B4GALNT4: variants seen among roughly 807,000 people sequenced by gnomAD.
The protein encoded by B4GALNT4 is beta-1,4-N-acetyl-galactosaminyltransferase 4.
In B4GALNT4, 77 loss-of-function variants were observed where a neutral mutation model predicts 110.0. That is an observed-to-expected ratio of 0.70 (90% CI 0.58 to 0.85). The LOEUF is 0.85. B4GALNT4 is among the 40% of genes least tolerant of loss of function. The probability of loss-of-function intolerance (pLI) is 0.00; values close to 1 mark genes in which losing one functional copy is unlikely to be tolerated. For synonymous variants in B4GALNT4, 785 were observed against 655.5 expected, an observed-to-expected ratio of 1.20 and a Z score of -3.02; for missense variants, 1,575 against 1,506.0, an observed-to-expected ratio of 1.05 and a Z score of -0.76.
In B4GALNT4 at chr11:375,380, G is replaced by C. The variant is rs559829786; in HGVS notation, c.784-81G>C. 7 of 1,440,710 alleles carry C rather than the reference G, an allele frequency of 4.9e-6. No individual in the cohort carries two copies. The South Asian group carries it at 8.0e-5, about 16-fold the overall frequency. The allele number at this position is 1,440,710 out of a possible 1,614,324, so 89.2% of individuals were successfully genotyped here. A position where few individuals can be genotyped will look rare whatever the true frequency, so the allele number is the denominator to read the frequency against. Reference sequence around the variant, plus strand: ...AAGGGATTGGTCCTATTAGTCCCCCGGCCCTGAGCCAGGGTAGACCCTTTC... The same window carrying C: ...AAGGGATTGGTCCTATTAGTCCCCCCGCCCTGAGCCAGGGTAGACCCTTTC... On this transcript the variant is annotated intron_variant, in intron 8 of 19. Coordinates refer to ENST00000329962, the MANE Select transcript of B4GALNT4 (RefSeq NM_178537.5).
At chr11:371,100 C>A (rs1846611168) in intron 1 of B4GALNT4, among the ~76,000 whole-genome samples, 1 of 152,178 alleles carries the variant, frequency 6.6e-6, no homozygotes, top group African/African-American at 2.4e-5. Flanking sequence ...GCGCAGGGGT[C>A]TAAGCCCAAC....
rs1243710762 is a variant in B4GALNT4 at position 375,865 on chromosome 11, CGAGCCTG to C, written c.1008_1014del (p.Ser336ArgfsTer69). On this transcript the variant is annotated frameshift_variant, in exon 11 of 20. Transcript: ENST00000329962. LOFTEE classifies it high-confidence loss of function. ...CCTGCAGCTCCACGCATGGAATCTT[CGAGCCTG>C]GAGAACGTGCTGGAGCCCTGCGCCT... 1 of 1,610,626 alleles carries C rather than the reference CGAGCCTG, an allele frequency of 6.2e-7. No individual in the cohort carries two copies. The highest frequency in any genetic ancestry group is 8.5e-7 in the Non-Finnish European group (1 of 1,179,264).
intron 19 of B4GALNT4, among the ~76,000 whole-genome samples, chr11:381,298 T>C (rs1254778550): frequency 6.7e-6 from 1 of 149,036 alleles, no homozygotes; most frequent in Non-Finnish European, 1.5e-5. Flanking sequence ...ACTGACCACC[T>C]CTCCGCCCCC....
intron 1 of B4GALNT4, among the ~76,000 whole-genome samples, chr11:370,283 C>T (rs1014297923): frequency 6.6e-6 from 1 of 152,080 alleles, no homozygotes; most frequent in Non-Finnish European, 1.5e-5. Flanking sequence ...TGACGGTGGG[C>T]TCCTGGGGAA....
In B4GALNT4 at chr11:377,037, G is replaced by A; in HGVS notation, c.1914G>A (p.Gln638=). Residue 638 remains glutamine, a synonymous_variant, in exon 14 of 20, where the codon CAG becomes CAA. Coordinates refer to ENST00000329962, the MANE Select transcript of B4GALNT4 (RefSeq NM_178537.5). ...FLSLSQVSGP[Q]LPGEGEEEEE... is the part of the protein sequence containing the mutation. ...GCTTGTCCCAGGTGTCCGGGCCGCA[G>A]CTGCCCGGGGAGGGCGAAGAGGAGG... The A allele has an allele frequency of 7.0e-7, 1 of 1,437,558 alleles. No individual in the cohort carries two copies. The highest frequency in any genetic ancestry group is 2.3e-4 in the Middle Eastern group (1 of 4,384). The allele number at this position is 1,437,558 out of a possible 1,614,324, so 89.1% of individuals were successfully genotyped here.
rs996140395 is a variant in B4GALNT4 at position 379,552 on chromosome 11, G to C, written c.2339G>C (p.Arg780Pro). 7 of 1,587,266 alleles carry C rather than the reference G, an allele frequency of 4.4e-6. No individual in the cohort carries two copies. Among genetic ancestry groups the C allele is most frequent in the Non-Finnish European group, 6.0e-6 (7 of 1,169,476 alleles). ...CGACTGTCCGAGTACGTCTTCCTGC[G>C]GCTGCCGGGAGCCCGCGTAGGGGAT... is the stretch of plus-strand genomic sequence containing the variant. Reference protein sequence around the residue: ...RLRLSEYVFLRLPGARVGDAD... With the variant: ...RLRLSEYVFLPLPGARVGDAD... The change falls in exon 15 of 20, where the codon CGG becomes CCG. Residue 780 changes from arginine (R) to proline (P), a missense_variant. Transcript: ENST00000329962.
At position 376,456 on chromosome 11, in the gene B4GALNT4, G is replaced by T. The variant is rs774400785; in HGVS notation, c.1333G>T (p.Asp445Tyr). Residue 445 changes from aspartate (D) to tyrosine (Y), a missense_variant, in exon 14 of 20, where the codon GAC becomes TAC. By Grantham distance (160) the Asp-to-Tyr change is radical. Coordinates refer to ENST00000329962, the MANE Select transcript of B4GALNT4 (RefSeq NM_178537.5). ...CGACGAGGACGAGGGGGAGCTGCTC[G>T]ACAGCCTGGAGCCCACCGAGGCGGC... is the stretch of plus-strand genomic sequence containing the variant. ...LDDEDEGELL[D>Y]SLEPTEAAPP... is the part of the protein sequence containing the mutation. 6.3e-7 allele frequency: 1 copy of T among 1,595,406 alleles called. No homozygotes were observed. Among genetic ancestry groups the T allele is most frequent in the South Asian group, 1.1e-5 (1 of 90,908 alleles).
Position 376,710 on chromosome 11 carries a change from G to A in B4GALNT4, c.1587G>A (p.Arg529=). ...EQPPPKVYVT[R]VRPGQRASPR... ...CGCCCCCAAAGGTGTACGTGACCAG[G>A]GTGCGGCCGGGACAGCGGGCATCCC... The change falls in exon 14 of 20, where the codon AGG becomes AGA. Residue 529 remains arginine (R), a synonymous_variant. Transcript: ENST00000329962. 2.1e-6 allele frequency: 3 copies of A among 1,411,822 alleles called. No homozygotes were observed. Among genetic ancestry groups the A allele is most frequent in the Non-Finnish European group, 9.2e-7 (1 of 1,088,784 alleles). The allele number at this position is 1,411,822 out of a possible 1,614,324, so 87.5% of individuals were successfully genotyped here.
chr11:372,918 A>G lies in B4GALNT4; in HGVS notation c.415A>G (p.Arg139Gly). The G allele has an allele frequency of 6.2e-7, 1 of 1,601,978 alleles. No homozygotes were observed. Among genetic ancestry groups the G allele is most frequent in the Non-Finnish European group, 8.5e-7 (1 of 1,174,924 alleles). Reference sequence around the variant, plus strand: ...TGGGGGCGCCGTGGGCCACCTGAGGAGGAACCTGCACTTCCCGCTGTTCCC... The same window carrying G: ...TGGGGGCGCCGTGGGCCACCTGAGGGGGAACCTGCACTTCCCGCTGTTCCC... Reference protein sequence around the residue: ...WCGGAVGHLRRNLHFPLFPHT... With the variant: ...WCGGAVGHLRGNLHFPLFPHT... The change falls in exon 4 of 20, where the codon AGG becomes GGG. Residue 139 changes from arginine (R) to glycine (G), a missense_variant. Physicochemically the swap from Arg to Gly is moderately radical, Grantham distance 125. Transcript: ENST00000329962.
Position 379,941 on chromosome 11 carries a change from G to C in B4GALNT4, c.2564G>C (p.Arg855Pro). Residue 855 changes from arginine (R) to proline (P), a missense_variant, in exon 16 of 20, where the codon CGT (arginine) becomes CCT (proline). By Grantham distance (103) the Arg-to-Pro change is moderately radical. Transcript: ENST00000329962. ...AALHARTGDSRFSVVLVDFES... is the reference protein window; with the variant it reads ...AALHARTGDSPFSVVLVDFES... The stretch of plus-strand genomic sequence containing the variant: ...CTGCACGCGCGCACCGGGGACTCGC[G>C]TTTCAGCGTCGTCCTGGTGGATTTC... 6.2e-7 allele frequency: 1 copy of C among 1,612,044 alleles called. No homozygotes were observed. The highest frequency in any genetic ancestry group is 8.5e-7 in the Non-Finnish European group (1 of 1,179,844).
chr11:373,182 G>A lies in B4GALNT4; in HGVS notation c.536-9G>A, dbSNP rs1564868270. On this transcript the variant is annotated splice_polypyrimidine_tract_variant and intron_variant, in intron 5 of 19. Transcript: ENST00000329962. ...GCTCCACCCCCCTGAGCCTAGTCTT[G>A]TGGACTAGGAGACGTCCAGTTTTCT... 1.2e-6 allele frequency: 2 copies of A among 1,612,250 alleles called. No homozygotes were observed. The highest frequency in any genetic ancestry group is 1.7e-6 in the Non-Finnish European group (2 of 1,179,538).
chr11:372,233 AAC>A, intron 2 of B4GALNT4, 21 bp downstream of exon 2: 1 of 1,546,272 alleles, frequency 6.5e-7, no homozygotes, highest in Non-Finnish European at 8.7e-7. Context: ...CCCTGGGGAG[AAC>A]ACGTGTGCAC....
Position 372,701 on chromosome 11 carries a change from G to C in B4GALNT4, c.295G>C (p.Ala99Pro), listed in dbSNP as rs182805582. Residue 99 changes from alanine to proline, a missense_variant, in exon 3 of 20, where the codon GCT (alanine) becomes CCT (proline). By Grantham distance (27) the Ala-to-Pro change is conservative. Coordinates refer to ENST00000329962, the MANE Select transcript of B4GALNT4 (RefSeq NM_178537.5). ...CCTAGACATGCTGTTTCCTGGGGGG[G>C]CTGGGAGGCTGCCACTGAACTTCAC... ...RDLDMLFPGG[A>P]GRLPLNFTHQ... 6.2e-7 allele frequency: 1 copy of C among 1,611,432 alleles called. No homozygotes were observed. Among genetic ancestry groups the C allele is most frequent in the African/African-American group, 1.3e-5 (1 of 74,682 alleles).
rs73400533 is a variant in B4GALNT4, at chr11:373,499, G to A, written c.687G>A (p.Gln229=). 3.0e-3 allele frequency: 4,821 copies of A among 1,609,096 alleles called. 134 individuals carry two copies. The African/African-American group carries it at 0.057, about 19-fold the overall frequency. ...APGEFTKFSS[Q]VSKPRRLMAS... The stretch of plus-strand genomic sequence containing the variant: ...GAGAATTCACCAAGTTCAGCTCCCA[G>A]GTGTCCAAGCCCAGGCGGTGAGTGA... The change falls in exon 7 of 20, where the codon CAG becomes CAA. Residue 229 remains glutamine (Q), a synonymous_variant. Transcript: ENST00000329962.
At chr11:380,497 G>T in intron 18 of B4GALNT4, 52 bp downstream of exon 18, 2 of 1,537,352 alleles carry the variant, frequency 1.3e-6, no homozygotes, top group Non-Finnish European at 1.7e-6. Flanking sequence ...ACCAACCGCC[G>T]CGGTAAAGTC....
chr11:375,999 G>A, intron 11 of B4GALNT4, 43 bp downstream of exon 11: 1 of 1,605,174 alleles, frequency 6.2e-7, no homozygotes, highest in Non-Finnish European at 8.5e-7. Flanking sequence ...GGGACTCCGC[G>A]GAGCCTTCTC....
In B4GALNT4 at chr11:380,575, C is replaced by G. The variant is rs1474897774; in HGVS notation, c.2869+130C>G. 3.7e-6 allele frequency: 5 copies of G among 1,358,870 alleles called. No homozygotes were observed. The African/African-American group carries it at 4.3e-5, about 12-fold the overall frequency. The allele number at this position is 1,358,870 out of a possible 1,614,324, so 84.2% of individuals were successfully genotyped here. A position where few individuals can be genotyped will look rare whatever the true frequency, so the allele number is the denominator to read the frequency against. On this transcript the variant is annotated intron_variant, in intron 18 of 19. Transcript: ENST00000329962. Reference sequence around the variant, plus strand: ...AGTCCATCAGTGCTCCCCGTAGTGCCCAGAGCCCCAGTCCCCCCGCACCAG... The same window carrying G: ...AGTCCATCAGTGCTCCCCGTAGTGCGCAGAGCCCCAGTCCCCCCGCACCAG...
In B4GALNT4 at chr11:373,746, C is replaced by T. The variant is rs759449935; in HGVS notation, c.705-4C>T. On this transcript the variant is annotated splice_region_variant and splice_polypyrimidine_tract_variant and intron_variant, in intron 7 of 19. Coordinates refer to ENST00000329962, the MANE Select transcript of B4GALNT4 (RefSeq NM_178537.5). ...GGCACGACCCTTGCTCCTCGTGTCCCCAGGCTCATGGCCTCCCGGAGGTAC... is the reference window on the plus strand; with the variant it reads ...GGCACGACCCTTGCTCCTCGTGTCCTCAGGCTCATGGCCTCCCGGAGGTAC... 2 of 1,612,134 alleles carry T rather than the reference C, an allele frequency of 1.2e-6. No individual in the cohort carries two copies. The highest frequency in any genetic ancestry group is 1.7e-5 in the Admixed American group (1 of 59,988).
intron 14 of B4GALNT4, 60 bp from the exon 15 acceptor site, chr11:379,357 AG>A: frequency 7.1e-7 from 1 of 1,416,042 alleles, no homozygotes; most frequent in Non-Finnish European, 9.2e-7. Flanking sequence ...AGGGCGGACC[AG>A]GGTTGCGGGC....
Sources: allele counts gnomAD v4.1 joint callset (sites outside exome capture counted in the v4.1 genomes callset), GRCh38; gene constraint gnomAD v4.1.1; transcripts MANE v1.5; gene names NCBI Gene and HGNC (gene_info 2026-07-23, HGNC 2026-07-21).